The following KCTD1 variants were observed in gnomAD, a reference collection of about 807,000 sequenced individuals.
The protein encoded by KCTD1 is BTB/POZ domain-containing protein KCTD1.
A neutral mutation model predicts 66.0 loss-of-function variants in KCTD1; 24 were observed. The ratio of observed to expected loss-of-function variants is 0.36; its 90% confidence interval spans 0.26 to 0.51. KCTD1 has a LOEUF of 0.51. KCTD1 is among the 20% of genes least tolerant of loss of function. The pLI is 0.95. For synonymous variants in KCTD1, 511 were observed against 517.2 expected (o/e 0.99, Z 0.16); for missense variants, 943 against 1,205.2 (o/e 0.78, Z 3.22).
intron 1 of KCTD1, among the ~76,000 whole-genome samples, chr18:26,588,308 G>GGAAGGGAAGGGAAGGGAAGGGAAGC (rs1401891169): frequency 6.6e-6 from 1 of 151,772 alleles, no homozygotes; most frequent in Admixed American, 6.6e-5. Flanking sequence ...GGAAGGGAAG[G>GGAAGGGAAGGGAAGGGAAGGGAAGC]GAAGGGAAGG....
intron 1 of KCTD1, among the ~76,000 whole-genome samples, chr18:26,565,486 A>C (rs1985961168): frequency 6.6e-6 from 1 of 152,216 alleles, no homozygotes; most frequent in Non-Finnish European, 1.5e-5. Flanking sequence ...TAAACCCATC[A>C]AGAATGCCCA....
At chr18:26,477,958 T>C (rs898262267) in intron 2 of KCTD1, among the ~76,000 whole-genome samples, 1 of 152,180 alleles carries the variant, frequency 6.6e-6, no homozygotes. Context: ...AGGGTGTGGA[T>C]TACAACCTTT....
chr18:26,505,962 G>A (rs1012757613), intron 1 of KCTD1, among the ~76,000 whole-genome samples: 10 of 151,936 alleles, frequency 6.6e-5, no homozygotes, highest in Non-Finnish European at 1.3e-4. Flanking sequence ...TGCAGCTTCC[G>A]CTTCCCAGGT....
intron 2 of KCTD1, among the ~76,000 whole-genome samples, chr18:26,497,165 T>G (rs1167564326): frequency 6.6e-6 from 1 of 152,210 alleles, no homozygotes; most frequent in Non-Finnish European, 1.5e-5. Context: ...AAAGGTTCTT[T>G]GCAGGAACTC....
intron 1 of KCTD1, among the ~76,000 whole-genome samples, chr18:26,619,885 G>A (rs1987335574): frequency 6.6e-6 from 1 of 152,098 alleles, no homozygotes. Flanking sequence ...ATGACAAGTG[G>A]CCTTCTCATT....
chr18:26,562,372 C>T (rs1202479898), intron 1 of KCTD1, among the ~76,000 whole-genome samples: 5 of 144,164 alleles, frequency 3.5e-5, no homozygotes, highest in Non-Finnish European at 7.4e-5. Flanking sequence ...GCTGGAATTA[C>T]GGGCACACAT....
intron 1 of KCTD1, among the ~76,000 whole-genome samples, chr18:26,640,104 A>T (rs1987804971): frequency 6.6e-6 from 1 of 152,130 alleles, no homozygotes; most frequent in African/African-American, 2.4e-5. Flanking sequence ...TAAAGGAAAA[A>T]TTCCAGTGGT....
intron 1 of KCTD1, among the ~76,000 whole-genome samples, chr18:26,516,678 T>A (rs1013038094): frequency 2.0e-5 from 3 of 152,220 alleles, no homozygotes; most frequent in African/African-American, 7.2e-5. Context: ...ACTTTTCCTA[T>A]CAACTCCCCA....
chr18:26,583,416 A>G (rs1986403383), intron 1 of KCTD1, among the ~76,000 whole-genome samples: 1 of 140,276 alleles, frequency 7.1e-6, no homozygotes, highest in Admixed American at 7.1e-5. Context: ...AAAAAAAAAA[A>G]AGAAAAAGAA....
At chr18:26,604,236 G>A (rs1986962704) in intron 1 of KCTD1, among the ~76,000 whole-genome samples, 1 of 152,152 alleles carries the variant, frequency 6.6e-6, no homozygotes, top group African/African-American at 2.4e-5. Flanking sequence ...AGTCAGAATG[G>A]CTATTATTAA....
chr18:26,506,510 C>T (rs1036788242), intron 1 of KCTD1, among the ~76,000 whole-genome samples: 2 of 152,162 alleles, frequency 1.3e-5, no homozygotes, highest in African/African-American at 2.4e-5. Flanking sequence ...GCACATGGTA[C>T]CTTTCAGAAA....
chr18:26,486,057 GC>G (rs775513201), intron 2 of KCTD1, among the ~76,000 whole-genome samples: 1 of 151,912 alleles, frequency 6.6e-6, no homozygotes, highest in Non-Finnish European at 1.5e-5. Context: ...GAGATTACAG[GC>G]GTGCGCCACT....
At chr18:26,623,828 A>C (rs1371503396) in intron 1 of KCTD1, among the ~76,000 whole-genome samples, 1 of 152,178 alleles carries the variant, frequency 6.6e-6, no homozygotes. Flanking sequence ...ACAACAGGAA[A>C]ATGTGGGAAA....
At chr18:26,528,159 C>T (rs1477338271) in intron 1 of KCTD1, among the ~76,000 whole-genome samples, 1 of 152,102 alleles carries the variant, frequency 6.6e-6, no homozygotes, top group Non-Finnish European at 1.5e-5. Context: ...GTACTATAGG[C>T]CCCTACCTTG....
intron 2 of KCTD1, among the ~76,000 whole-genome samples, chr18:26,482,983 A>G (rs992617777): frequency 1.3e-5 from 2 of 152,194 alleles, no homozygotes; most frequent in African/African-American, 4.8e-5. Flanking sequence ...CTCTATGTCT[A>G]GGCTTCCAAG....
rs1212833912 is a variant in KCTD1 at position 26,468,675 on chromosome 18, T to C, written c.2133+7840A>G. On this transcript the variant is annotated intron_variant, in intron 3 of 4. Transcript: ENST00000580059. This position sits in a 1 kb window ranked among gnomAD's most constrained non-coding sequence, Gnocchi z 4.8. ...GGTGAAACCCCATCTGTACTAAAAA[T>C]ATAAAAATTAGTGTGCCTGTGGCGT... Among the ~76,000 whole-genome samples, 2 of 152,038 alleles carry C rather than the reference T, an allele frequency of 1.3e-5. No individual in the cohort carries two copies. The highest frequency in any genetic ancestry group is 1.3e-4 in the Admixed American group (2 of 15,262).
intron 1 of KCTD1, among the ~76,000 whole-genome samples, chr18:26,571,731 G>C (rs1385091886): frequency 6.6e-6 from 1 of 152,066 alleles, no homozygotes; most frequent in Non-Finnish European, 1.5e-5. Flanking sequence ...GGATATTCTT[G>C]GATCATAAAT....
At chr18:26,572,335 G>A (rs1440880015) in intron 1 of KCTD1, among the ~76,000 whole-genome samples, 3 of 152,176 alleles carry the variant, frequency 2.0e-5, no homozygotes, top group African/African-American at 7.2e-5. Context: ...TGGGATTCAG[G>A]TGTGAGTCAC....
chr18:26,652,578 C>T lies in KCTD1; in HGVS notation c.9+4782G>A, dbSNP rs151079271. 2.1e-3 allele frequency among the ~76,000 whole-genome samples: 314 copies of T among 152,314 alleles called. 1 individual carries two copies. Among genetic ancestry groups the T allele is most frequent in the African/African-American group, 7.2e-3 (299 of 41,564 alleles). On this transcript the variant is annotated intron_variant, in intron 1 of 4. Transcript: ENST00000580191. ...TTTCAGAAGGCTCAACATAGGCCTA[C>T]TTCAATGATGAATTCCAACTTAGTC...
Sources: allele counts gnomAD v4.1 joint callset (sites outside exome capture counted in the v4.1 genomes callset), GRCh38; gene constraint gnomAD v4.1.1; non-coding constraint Gnocchi (gnomAD v3.1); transcripts MANE v1.5; gene names NCBI Gene and HGNC (gene_info 2026-07-23, HGNC 2026-07-21).